The following ITPR1 variants were observed in gnomAD, a reference collection of about 807,000 sequenced individuals.
ITPR1 encodes inositol 1,4,5-trisphosphate receptor type 1, also known as inositol 1,4,5-trisphosphate-gated calcium channel ITPR1.
Under a neutral mutation model 318.4 loss-of-function variants are expected in ITPR1, and 96 were observed. That is an observed-to-expected ratio of 0.30 (90% CI 0.26 to 0.36). ITPR1 has a LOEUF of 0.36. Ranked by LOEUF, ITPR1 falls within the 10% of genes least tolerant of loss-of-function variation. ITPR1 has a pLI of 1.00. For synonymous variants in ITPR1, 1,312 were observed against 1,289.9 expected (o/e 1.02, Z -0.37); for missense variants, 2,440 against 3,460.2 (o/e 0.71, Z 7.40).
chr3:4,749,023 T>C (rs1251129253), intron 44 of ITPR1, among the ~76,000 whole-genome samples: 1 of 152,142 alleles, frequency 6.6e-6, no homozygotes, highest in African/African-American at 2.4e-5. Context: ...TGCGCTTCGG[T>C]GACATGACCC....
At chr3:4,783,599 G>A (rs2046976053) in intron 50 of ITPR1, among the ~76,000 whole-genome samples, 1 of 152,174 alleles carries the variant, frequency 6.6e-6, no homozygotes, top group Non-Finnish European at 1.5e-5. Context: ...GTGGAACCAT[G>A]TGTGGGCACG....
intron 45 of ITPR1, 62 bp downstream of exon 45, chr3:4,766,772 T>A: frequency 7.9e-7 from 1 of 1,268,320 alleles, no homozygotes; most frequent in East Asian, 2.4e-5. Flanking sequence ...CTTGTTATCC[T>A]TCATTGTTTT....
rs921927822 is a variant in ITPR1, at chr3:4,814,739, C to CCGCAAAGT, written c.7701+179_7701+186dup. On this transcript the variant is annotated intron_variant, in intron 58 of 61. Coordinates refer to ENST00000649015, the MANE Select transcript of ITPR1 (RefSeq NM_001378452.1). Reference sequence around the variant, plus strand: ...TTCCTCTCTATCACGTGAGGTGGTGCCGCAAAGTCAGCTGCGTGGAAAGGG... The same window carrying CCGCAAAGT: ...TTCCTCTCTATCACGTGAGGTGGTGCCGCAAAGTCGCAAAGTCAGCTGCGTGGAAAGGG... 4 of 655,392 alleles carry CCGCAAAGT rather than the reference C, an allele frequency of 6.1e-6. No homozygotes were observed. The African/African-American group carries it at 7.3e-5, about 12-fold the overall frequency. The allele number at this position is 655,392 out of a possible 1,614,324, so 40.6% of individuals were successfully genotyped here.
At chr3:4,808,433 T>C (rs778954675) in intron 55 of ITPR1, among the ~76,000 whole-genome samples, 3 of 152,228 alleles carry the variant, frequency 2.0e-5, no homozygotes, top group Non-Finnish European at 4.4e-5. Flanking sequence ...AGTTTGCATC[T>C]GTGCTTTCAA....
intron 49 of ITPR1, among the ~76,000 whole-genome samples, chr3:4,781,935 A>G (rs2046864246): frequency 6.6e-6 from 1 of 152,194 alleles, no homozygotes; most frequent in South Asian, 2.1e-4. Context: ...GTGAGCCATG[A>G]TTGTACCACT....
chr3:4,614,036 A>C (rs1485924764), intron 4 of ITPR1, among the ~76,000 whole-genome samples: 1 of 152,148 alleles, frequency 6.6e-6, no homozygotes, highest in Admixed American at 6.5e-5. Context: ...TTTGAACTTC[A>C]TGTAAGTGGA....
intron 52 of ITPR1, among the ~76,000 whole-genome samples, chr3:4,791,940 T>C (rs990096523): frequency 6.6e-6 from 1 of 152,206 alleles, no homozygotes; most frequent in Non-Finnish European, 1.5e-5. Context: ...ACAACATACG[T>C]TGATTATCTT....
intron 10 of ITPR1, among the ~76,000 whole-genome samples, chr3:4,648,849 C>G (rs1333173090): frequency 2.6e-5 from 4 of 152,180 alleles, no homozygotes; most frequent in Admixed American, 6.5e-5. Flanking sequence ...TGTACATATG[C>G]TTACTCTAAA....
intron 44 of ITPR1, among the ~76,000 whole-genome samples, chr3:4,760,979 G>C (rs1483346255): frequency 1.3e-5 from 2 of 152,160 alleles, no homozygotes; most frequent in African/African-American, 4.8e-5. Flanking sequence ...CTAGAACATG[G>C]ACATGTCTGC....
At position 4,575,564 on chromosome 3, in the gene ITPR1, A is replaced by G. The variant is rs182237657; in HGVS notation, c.164-52199A>G. On this transcript the variant is annotated intron_variant, in intron 4 of 61. Transcript: ENST00000649015. Reference sequence around the variant, plus strand: ...ATGAATGACTAAGAGCTGAAACACAAGACTGTGTATTTCTCATCAATGTGT... The same window carrying G: ...ATGAATGACTAAGAGCTGAAACACAGGACTGTGTATTTCTCATCAATGTGT... 3.3e-5 allele frequency among the ~76,000 whole-genome samples: 5 copies of G among 152,318 alleles called. No individual in the cohort carries two copies. The East Asian group carries it at 9.6e-4, about 29-fold the overall frequency.
At chr3:4,649,597 CAG>C (rs1399343055) in intron 10 of ITPR1, among the ~76,000 whole-genome samples, 5 of 152,350 alleles carry the variant, frequency 3.3e-5, no homozygotes, top group African/African-American at 1.2e-4. Context: ...TTCATATAAA[CAG>C]AATCCTATCA....
intron 42 of ITPR1, 147 bp downstream of exon 42, chr3:4,727,320 A>G (rs1266731441): frequency 1.8e-6 from 1 of 561,834 alleles, no homozygotes; most frequent in East Asian, 3.0e-5. Context: ...AGCCATGTAT[A>G]TAAATGAAAC....
intron 7 of ITPR1, among the ~76,000 whole-genome samples, 189 bp downstream of exon 7, chr3:4,642,440 G>C (rs1489653048): frequency 6.6e-6 from 1 of 152,154 alleles, no homozygotes; most frequent in Non-Finnish European, 1.5e-5. Flanking sequence ...CCTAAATACT[G>C]TCACTGTGTT....
chr3:4,791,542 G>C (rs1019889119), intron 52 of ITPR1, among the ~76,000 whole-genome samples: 2 of 152,196 alleles, frequency 1.3e-5, no homozygotes, highest in Non-Finnish European at 2.9e-5. Context: ...CTCACCTTCT[G>C]CTGTGCTGCC....
intron 49 of ITPR1, 139 bp from the exon 50 acceptor site, chr3:4,782,480 C>T: frequency 1.4e-6 from 1 of 735,516 alleles, no homozygotes; most frequent in South Asian, 2.9e-5. Context: ...GATTCTGAGG[C>T]TGTGTCCAAG....
intron 42 of ITPR1, among the ~76,000 whole-genome samples, chr3:4,729,549 C>T (rs1437931206): frequency 6.6e-6 from 1 of 152,216 alleles, no homozygotes; most frequent in Non-Finnish European, 1.5e-5. Context: ...AGTTCTCTCT[C>T]TCCTTTGTGT....
chr3:4,831,253 C>T lies in ITPR1; in HGVS notation c.8029-5521C>T, dbSNP rs778395250. 26 of 310,384 alleles carry T rather than the reference C, an allele frequency of 8.4e-5. No individual in the cohort carries two copies. In the Admixed American group the frequency reaches 8.7e-4, roughly 10 times the overall value. 19.2% of individuals were successfully genotyped at this position (310,384 alleles called of 1,614,324 possible). ...TATCTAAAACTTCAGTGTTTGCCTT[C>T]GCAGGGACTTTTCCAACTTTACCTA... On this transcript the variant is annotated intron_variant, in intron 60 of 61. Transcript: ENST00000649015.
chr3:4,552,912 G>C (rs1318370983), intron 4 of ITPR1, among the ~76,000 whole-genome samples: 1 of 152,108 alleles, frequency 6.6e-6, no homozygotes, highest in Non-Finnish European at 1.5e-5. Context: ...CAGGGTCAAA[G>C]ACCAAATATA....
At chr3:4,610,940 CCTCTT>C in intron 4 of ITPR1, among the ~76,000 whole-genome samples, 1 of 91,878 alleles carries the variant, frequency 1.1e-5, no homozygotes, top group East Asian at 4.0e-4. Flanking sequence ...CCTTCCCCTT[CCTCTT>C]CCCCTTCCCC....
Sources: gnomAD v4.1 joint callset for allele counts (sites outside exome capture counted in the v4.1 genomes callset) on GRCh38, gnomAD v4.1.1 for gene constraint, MANE v1.5 for transcripts, NCBI Gene and HGNC (gene_info 2026-07-23, HGNC 2026-07-21) for gene names.